Variants in TCF7L1 observed in about 807,000 individuals in gnomAD.
The protein encoded by TCF7L1 is transcription factor 7 like 1.
Under a neutral mutation model 63.7 loss-of-function variants are expected in TCF7L1, and 18 were observed. The observed-to-expected ratio is 0.28, with a 90% confidence interval of 0.20 to 0.42. TCF7L1 has a LOEUF of 0.42. TCF7L1 is among the 10% of genes least tolerant of loss of function. The pLI, the probability that TCF7L1 is intolerant of heterozygous loss-of-function variation, is 1.00. For missense variants in TCF7L1, 654 were observed against 779.3 expected (o/e 0.84, Z 1.91); for synonymous variants, 355 against 340.9 (o/e 1.04, Z -0.46).
intron 3 of TCF7L1, among the ~76,000 whole-genome samples, chr2:85,141,313 G>T (rs1304124379): frequency 1.3e-5 from 2 of 152,160 alleles, no homozygotes; most frequent in Non-Finnish European, 2.9e-5. Context: ...GCCCATGGAG[G>T]GAAGTGTTCC....
chr2:85,302,337 A>G (rs935358009), intron 4 of TCF7L1, 147 bp from the exon 5 acceptor site: 48 of 1,082,048 alleles, frequency 4.4e-5, no homozygotes, highest in Admixed American at 1.2e-4. Context: ...TGCTGTGTCC[A>G]CTGCTGTCAT....
chr2:85,305,862 C>T (rs78698538), intron 8 of TCF7L1, among the ~76,000 whole-genome samples: 155 of 152,244 alleles, frequency 1.0e-3, no homozygotes, highest in African/African-American at 3.6e-3. Context: ...GAACCCCCTC[C>T]CAACTTGGTT....
At chr2:85,261,670 T>C (rs1269603971) in intron 3 of TCF7L1, among the ~76,000 whole-genome samples, 1 of 152,124 alleles carries the variant, frequency 6.6e-6, no homozygotes, top group African/African-American at 2.4e-5. Context: ...GGCAGTGGGA[T>C]TCTTGAAGCC....
intron 4 of TCF7L1, among the ~76,000 whole-genome samples, chr2:85,292,497 T>C (rs933434789): frequency 6.6e-6 from 1 of 152,252 alleles, no homozygotes; most frequent in African/African-American, 2.4e-5. Flanking sequence ...TGGCAGGTTT[T>C]GGGTGTGGTA....
chr2:85,237,699 T>C (rs2104319871), intron 3 of TCF7L1, among the ~76,000 whole-genome samples: 1 of 135,100 alleles, frequency 7.4e-6, no homozygotes, highest in East Asian at 2.3e-4. Context: ...ATTCTGCAGC[T>C]GTGTAAACAG....
At chr2:85,164,257 T>C (rs1167996300) in intron 3 of TCF7L1, among the ~76,000 whole-genome samples, 2 of 152,150 alleles carry the variant, frequency 1.3e-5, no homozygotes. Flanking sequence ...CAGAGGATGA[T>C]TGTTTGCATT....
chr2:85,202,918 C>G (rs1420727148), intron 3 of TCF7L1, among the ~76,000 whole-genome samples: 1 of 152,166 alleles, frequency 6.6e-6, no homozygotes, highest in African/African-American at 2.4e-5. Context: ...ACTGCAAGCT[C>G]CACCTCCTGG....
intron 3 of TCF7L1, among the ~76,000 whole-genome samples, chr2:85,242,476 G>A (rs1410699809): frequency 2.0e-5 from 3 of 152,216 alleles, no homozygotes; most frequent in Admixed American, 6.5e-5. Context: ...GACCACAGCC[G>A]TTATGACAGC....
At chr2:85,169,343 G>C (rs559683519) in intron 3 of TCF7L1, among the ~76,000 whole-genome samples, 1 of 151,274 alleles carries the variant, frequency 6.6e-6, no homozygotes, top group South Asian at 2.1e-4. Context: ...TTCGCCTGCT[G>C]TCCACAGTTT....
At chr2:85,284,305 C>T (rs917443403) in intron 4 of TCF7L1, among the ~76,000 whole-genome samples, 2 of 152,110 alleles carry the variant, frequency 1.3e-5, no homozygotes, top group African/African-American at 2.4e-5. Flanking sequence ...CCACCGCGCC[C>T]GGCCGAAGAG....
intron 3 of TCF7L1, among the ~76,000 whole-genome samples, chr2:85,242,835 C>T (rs2104326529): frequency 6.6e-6 from 1 of 152,350 alleles, no homozygotes; most frequent in South Asian, 2.1e-4. Flanking sequence ...CTCTGCCTCC[C>T]TATTGAAGCA....
At position 85,134,390 on chromosome 2, in the gene TCF7L1, C is replaced by T; in HGVS notation, c.381C>T (p.Ile127=). 1 of 1,573,392 alleles carries T rather than the reference C, an allele frequency of 6.4e-7. No homozygotes were observed. Among genetic ancestry groups the T allele is most frequent in the Non-Finnish European group, 8.6e-7 (1 of 1,158,704 alleles). ...PPYPGYPFLM[I]PDLSSPYLSN... ...ACCCTGGGTACCCCTTCCTGATGAT[C>T]CCGGACCTGAGCAGCCCGTACCTCT... The change falls in exon 3 of 12, where the codon ATC becomes ATT. Residue 127 remains isoleucine (I), a synonymous_variant. Transcript: ENST00000282111. This position sits in a 1 kb window ranked among gnomAD's most constrained non-coding sequence, Gnocchi z 5.0.
At chr2:85,299,427 C>T (rs1247243836) in intron 4 of TCF7L1, among the ~76,000 whole-genome samples, 1 of 151,896 alleles carries the variant, frequency 6.6e-6, no homozygotes, top group African/African-American at 2.4e-5. Context: ...TGGTGGGTGC[C>T]TGTAATCCCA....
intron 3 of TCF7L1, among the ~76,000 whole-genome samples, chr2:85,157,932 T>G (rs1678187450): frequency 6.6e-6 from 1 of 152,162 alleles, no homozygotes; most frequent in Non-Finnish European, 1.5e-5. Context: ...GTGGTAATTG[T>G]TCATCATTTG....
At chr2:85,220,370 A>G (rs1237147859) in intron 3 of TCF7L1, among the ~76,000 whole-genome samples, 2 of 151,616 alleles carry the variant, frequency 1.3e-5, no homozygotes, top group African/African-American at 2.4e-5. Flanking sequence ...AAATATATAT[A>G]TATGTATATA....
At chr2:85,248,415 G>A (rs1309869918) in intron 3 of TCF7L1, among the ~76,000 whole-genome samples, 1 of 152,134 alleles carries the variant, frequency 6.6e-6, no homozygotes, top group East Asian at 1.9e-4. Context: ...CTGGTCCAGG[G>A]AACACACTTG....
intron 3 of TCF7L1, among the ~76,000 whole-genome samples, chr2:85,189,787 C>T (rs1026200455): frequency 1.3e-5 from 2 of 152,214 alleles, no homozygotes; most frequent in Non-Finnish European, 2.9e-5. Flanking sequence ...AGACCCCGGC[C>T]GCCTGGACAC....
chr2:85,142,181 C>A, intron 3 of TCF7L1, among the ~76,000 whole-genome samples: 1 of 152,086 alleles, frequency 6.6e-6, no homozygotes, highest in East Asian at 1.9e-4. Flanking sequence ...AATCCCAACA[C>A]TTTGGGAGGC....
At chr2:85,222,213 C>T (rs1417301199) in intron 3 of TCF7L1, among the ~76,000 whole-genome samples, 2 of 151,888 alleles carry the variant, frequency 1.3e-5, no homozygotes, top group East Asian at 1.9e-4. Flanking sequence ...TGGTGGCGCA[C>T]GCCTGTAATC....
Sources: gnomAD v4.1 joint callset for allele counts (sites outside exome capture counted in the v4.1 genomes callset) on GRCh38, gnomAD v4.1.1 for gene constraint, Gnocchi (gnomAD v3.1) non-coding constraint, MANE v1.5 for transcripts, NCBI Gene and HGNC (gene_info 2026-07-23, HGNC 2026-07-21) for gene names.